Variants in CCDC158 observed in about 807,000 individuals in gnomAD.
CCDC158 encodes coiled-coil domain containing 158.
CCDC158 carries 116 observed loss-of-function variants against 138.6 expected under a neutral mutation model. The ratio of observed to expected loss-of-function variants is 0.84; its 90% CI spans 0.72 to 0.98. The LOEUF (loss-of-function observed/expected upper bound fraction) is 0.98. CCDC158 is among the 50% of genes least tolerant of loss of function. The probability of loss-of-function intolerance (pLI) is 0.00; values close to 1 mark genes in which losing one functional copy is unlikely to be tolerated. For missense variants in CCDC158, 1,265 were observed against 1,306.1 expected (o/e 0.97, Z 0.48); for synonymous variants, 436 against 442.4 (o/e 0.99, Z 0.18).
chr4:76,405,622 G>A (rs1728756127), intron 2 of CCDC158, among the ~76,000 whole-genome samples: 1 of 152,088 alleles, frequency 6.6e-6, no homozygotes, highest in African/African-American at 2.4e-5. Flanking sequence ...ACTGAATAGC[G>A]ATATAAATAT....
At chr4:76,333,954 C>A (rs1158639576) in intron 19 of CCDC158, 56 bp downstream of exon 19, 1 of 1,330,854 alleles carries the variant, frequency 7.5e-7, no homozygotes, top group East Asian at 2.4e-5. Flanking sequence ...GTGAATAACT[C>A]AATGGCAAAC....
At position 76,392,440 on chromosome 4, in the gene CCDC158, C is replaced by A. The variant is rs190842633; in HGVS notation, c.288+3829G>T. On this transcript the variant is annotated intron_variant, in intron 4 of 24. Transcript: ENST00000682701. ...TTAAACATCTTTTCAGGACAAAACT[C>A]AAAAAAAATGGGTATAGAATAGAAA... Among the ~76,000 whole-genome samples the A allele has an allele frequency of 2.4e-3, 362 of 150,944 alleles. 6 individuals are homozygous for A. The highest frequency in any genetic ancestry group is 0.017 in the Middle Eastern group (5 of 290).
chr4:76,376,882 C>T (rs146011817), intron 9 of CCDC158, among the ~76,000 whole-genome samples: 44 of 152,274 alleles, frequency 2.9e-4, no homozygotes, highest in African/African-American at 7.9e-4. Context: ...TCCTTATTTC[C>T]GTTAGCTCTT....
Position 76,384,416 on chromosome 4 carries a change from C to T in CCDC158, c.399-1G>A. On this transcript the variant is annotated splice_acceptor_variant, in intron 5 of 24. Transcript: ENST00000682701. LOFTEE classifies it high-confidence loss of function. ...CTCCTGGGACTGACTCTCCCTTCGT[C>T]TATGAAATAAATGAAAGAAAATAAA... 1 of 1,603,294 alleles carries T rather than the reference C, an allele frequency of 6.2e-7. No individual in the cohort carries two copies. The highest frequency in any genetic ancestry group is 8.5e-7 in the Non-Finnish European group (1 of 1,173,872).
At chr4:76,353,633 T>G (rs1395260644) in intron 15 of CCDC158, among the ~76,000 whole-genome samples, 1 of 152,188 alleles carries the variant, frequency 6.6e-6, no homozygotes, top group Non-Finnish European at 1.5e-5. Flanking sequence ...ACAACAGAGA[T>G]TTTTAAAAGA....
At chr4:76,342,646 C>T (rs935116083) in intron 18 of CCDC158, among the ~76,000 whole-genome samples, 6 of 152,100 alleles carry the variant, frequency 3.9e-5, no homozygotes, top group Non-Finnish European at 7.3e-5. Context: ...TCTGTACTAT[C>T]TTAAGCCCCA....
rs191050039 is a variant in CCDC158, at chr4:76,316,875, A to T, written c.3278-3629T>A. 8.8e-5 allele frequency among the ~76,000 whole-genome samples: 13 copies of T among 148,260 alleles called. No individual in the cohort carries two copies. The East Asian group carries it at 2.6e-3, about 29-fold the overall frequency. On this transcript the variant is annotated intron_variant, in intron 24 of 24. Transcript: ENST00000682701. ...CCAGCAAAACTAAGCTTCATGAATG[A>T]AGGACAGATAAAGTCTTTTGCAGAC...
At chr4:76,372,193 C>G (rs945193212) in intron 9 of CCDC158, among the ~76,000 whole-genome samples, 1 of 152,140 alleles carries the variant, frequency 6.6e-6, no homozygotes, top group Admixed American at 6.5e-5. Flanking sequence ...GCCTGTAATC[C>G]TTTGGGAGGC....
chr4:76,343,688 C>G (rs1722273436), intron 18 of CCDC158, among the ~76,000 whole-genome samples: 1 of 152,070 alleles, frequency 6.6e-6, no homozygotes, highest in South Asian at 2.1e-4. Context: ...GTAATCCCAG[C>G]TACTCAGGAG....
At chr4:76,340,528 C>G (rs1359224415) in intron 18 of CCDC158, among the ~76,000 whole-genome samples, 1 of 152,174 alleles carries the variant, frequency 6.6e-6, no homozygotes, top group Non-Finnish European at 1.5e-5. Context: ...TCTGAGATTG[C>G]CACAAAAGCA....
chr4:76,420,057 T>C lies in CCDC158; in HGVS notation c.-117+908A>G, dbSNP rs75695140. Among the ~76,000 whole-genome samples, 1,455 of 151,692 alleles carry C rather than the reference T, an allele frequency of 9.6e-3. 18 individuals are homozygous for C. Among genetic ancestry groups the C allele is most frequent in the African/African-American group, 0.034 (1,386 of 41,280 alleles). ...TTTTGGGAGTATAATATTAACTCTA[T>C]GGCATGGAAACCATTTCACCCACAA... On this transcript the variant is annotated intron_variant, in intron 1 of 24. Transcript: ENST00000682701.
intron 18 of CCDC158, 37 bp from the exon 19 acceptor site, chr4:76,334,204 C>T: frequency 6.8e-7 from 1 of 1,480,660 alleles, no homozygotes; most frequent in South Asian, 1.4e-5. Flanking sequence ...CTTATTTTTT[C>T]AGATTTCTAT....
chr4:76,319,693 T>C (rs555820826), intron 24 of CCDC158, among the ~76,000 whole-genome samples: 175 of 151,356 alleles, frequency 1.2e-3, no homozygotes, highest in African/African-American at 4.1e-3. Context: ...ACAATAATCA[T>C]ATCATCATCT....
At chr4:76,416,441 GA>G (rs1021404764) in intron 1 of CCDC158, among the ~76,000 whole-genome samples, 3 of 152,130 alleles carry the variant, frequency 2.0e-5, no homozygotes, top group African/African-American at 7.2e-5. Flanking sequence ...TGTGGGGCTG[GA>G]CTCTACAGAG....
intron 4 of CCDC158, among the ~76,000 whole-genome samples, chr4:76,386,000 G>A (rs989652861): frequency 6.6e-6 from 1 of 152,194 alleles, no homozygotes; most frequent in African/African-American, 2.4e-5. Flanking sequence ...ACTTTACCGA[G>A]CCAATTATCA....
At chr4:76,353,958 A>G (rs542300406) in intron 15 of CCDC158, among the ~76,000 whole-genome samples, 17 of 152,318 alleles carry the variant, frequency 1.1e-4, no homozygotes, top group Non-Finnish European at 2.2e-4. Flanking sequence ...ATTTTTTCAT[A>G]GTGAAAAACA....
chr4:76,358,552 C>G (rs1198392749), intron 13 of CCDC158, among the ~76,000 whole-genome samples: 1 of 152,172 alleles, frequency 6.6e-6, no homozygotes, highest in Non-Finnish European at 1.5e-5. Context: ...TTTGCTCCAG[C>G]TAATACTTCT....
At chr4:76,322,411 A>G (rs1720106429) in intron 24 of CCDC158, among the ~76,000 whole-genome samples, 1 of 152,182 alleles carries the variant, frequency 6.6e-6, no homozygotes, top group African/African-American at 2.4e-5. Flanking sequence ...AAATGCTGTA[A>G]TAACAGTACC....
chr4:76,392,818 A>C (rs571651095), intron 4 of CCDC158, among the ~76,000 whole-genome samples: 51 of 152,184 alleles, frequency 3.4e-4, no homozygotes, highest in South Asian at 1.4e-3. Flanking sequence ...AACATATAAA[A>C]ATCAATAGCA....
Sources: allele counts gnomAD v4.1 joint callset (sites outside exome capture counted in the v4.1 genomes callset), GRCh38; gene constraint gnomAD v4.1.1; transcripts MANE v1.5; gene names NCBI Gene and HGNC (gene_info 2026-07-23, HGNC 2026-07-21).